The following GSTO2 variants were observed in gnomAD, a reference collection of about 807,000 sequenced individuals.
GSTO2 encodes glutathione S-transferase omega-2.
Under a neutral mutation model 28.4 loss-of-function variants are expected in GSTO2, and 23 were observed. The observed-to-expected ratio is 0.81, with a 90% CI of 0.58 to 1.15. GSTO2 has a LOEUF of 1.15. GSTO2 is among the 50% of genes most tolerant of loss of function. The probability of loss-of-function intolerance (pLI) is 0.00; values close to 1 mark genes in which losing one functional copy is unlikely to be tolerated. For synonymous variants in GSTO2, 109 were observed against 111.0 expected, an observed-to-expected ratio of 0.98 and a Z score of 0.11; for missense variants, 298 against 297.8, an observed-to-expected ratio of 1.00 and a Z score of 0.00.
At chr10:104,283,232 G>A (rs776659951) in intron 5 of GSTO2, among the ~76,000 whole-genome samples, 3 of 152,144 alleles carry the variant, frequency 2.0e-5, no homozygotes, top group Non-Finnish European at 2.9e-5. Context: ...AACCAGCCTC[G>A]GTGTAGGTAG....
intron 1 of GSTO2, among the ~76,000 whole-genome samples, chr10:104,273,107 TC>T (rs1221040571): frequency 2.6e-5 from 4 of 152,220 alleles, no homozygotes; most frequent in Admixed American, 6.5e-5. Context: ...CCAGAAGTCA[TC>T]TTACCTACCA....
chr10:104,274,770 C>A lies in GSTO2; in HGVS notation c.-146C>A. 1.0e-6 allele frequency: 1 copy of A among 968,088 alleles called. No individual in the cohort carries two copies. Among genetic ancestry groups the A allele is most frequent in the Non-Finnish European group, 1.6e-6 (1 of 635,668 alleles). 60.0% of individuals were successfully genotyped at this position (968,088 alleles called of 1,614,324 possible). A position where few individuals can be genotyped will look rare whatever the true frequency, so the allele number is the denominator to read the frequency against. ...CCTGCTCCAGATCGCTTCCCCGTGCCCCGCCAGAGCCCAGTAGTTCAAAAA... is the reference window on the plus strand; with the variant it reads ...CCTGCTCCAGATCGCTTCCCCGTGCACCGCCAGAGCCCAGTAGTTCAAAAA... On this transcript the variant is annotated 5_prime_UTR_variant, in exon 2 of 7. Transcript: ENST00000338595.
intron 5 of GSTO2, among the ~76,000 whole-genome samples, chr10:104,288,941 A>G (rs2012611188): frequency 6.6e-6 from 1 of 152,098 alleles, no homozygotes. Context: ...CCACTGTTTT[A>G]TGTGTAGGAA....
Position 104,301,018 on chromosome 10 carries a change from C to T in GSTO2, c.*1734C>T, listed in dbSNP as rs1401537456. The T allele has an allele frequency of 6.6e-6, 1 of 152,272 alleles. No individual in the cohort carries two copies. The highest frequency in any genetic ancestry group is 2.4e-5 in the African/African-American group (1 of 41,454). 9.4% of individuals were successfully genotyped at this position (152,272 alleles called of 1,614,324 possible). On this transcript the variant is annotated 3_prime_UTR_variant, in exon 7 of 7. Coordinates refer to ENST00000338595, the MANE Select transcript of GSTO2 (RefSeq NM_183239.2). ...AGCGCATGACAGGGGCAGTCTGCCG[C>T]ACCATCTGCTCCGGATGTGGAGCCC...
intron 3 of GSTO2, among the ~76,000 whole-genome samples, chr10:104,276,780 A>T (rs991330829): frequency 6.6e-6 from 1 of 152,186 alleles, no homozygotes; most frequent in African/African-American, 2.4e-5. Context: ...CCTCTGCTGT[A>T]GGTTTAAGAC....
At chr10:104,290,588 T>A (rs1295609713) in intron 5 of GSTO2, among the ~76,000 whole-genome samples, 1 of 152,096 alleles carries the variant, frequency 6.6e-6, no homozygotes, top group Admixed American at 6.5e-5. Context: ...ATCCTGTCAT[T>A]TGCAGCAACA....
At chr10:104,283,081 T>C (rs2012180781) in intron 5 of GSTO2, among the ~76,000 whole-genome samples, 1 of 152,354 alleles carries the variant, frequency 6.6e-6, no homozygotes, top group African/African-American at 2.4e-5. Flanking sequence ...GAGCTACCAA[T>C]GTGCTATTTC....
chr10:104,299,034 A>G, intron 6 of GSTO2, 94 bp from the exon 7 acceptor site: 2 of 1,166,520 alleles, frequency 1.7e-6, no homozygotes, highest in Non-Finnish European at 2.4e-6. Context: ...AAATAAACTC[A>G]TTCTTCATAT....
intron 5 of GSTO2, chr10:104,296,178 C>CT (rs1332461188): frequency 6.6e-6 from 1 of 152,038 alleles, no homozygotes; most frequent in Non-Finnish European, 1.5e-5. Flanking sequence ...AGTTTGTTTT[C>CT]TTTACAGTCC....
chr10:104,275,363 G>A (rs2011582812), intron 3 of GSTO2, 29 bp downstream of exon 3: 3 of 1,606,868 alleles, frequency 1.9e-6, no homozygotes, highest in Non-Finnish European at 2.6e-6. Flanking sequence ...GAGCCCCCGA[G>A]CAAACCCAGC....
intron 5 of GSTO2, among the ~76,000 whole-genome samples, chr10:104,290,791 C>CA (rs967310977): frequency 6.6e-6 from 1 of 150,716 alleles, no homozygotes; most frequent in Non-Finnish European, 1.5e-5. Context: ...TTAATGGGTA[C>CA]AAAAAACAGA....
intron 5 of GSTO2, among the ~76,000 whole-genome samples, chr10:104,287,887 C>CTT (rs397760653): frequency 0.023 from 2,664 of 116,164 alleles, 174 homozygotes; most frequent in African/African-American, 0.079. Context: ...GAAAAAAACA[C>CTT]TTTTTTTTTT....
At chr10:104,283,910 A>G (rs2012239959) in intron 5 of GSTO2, among the ~76,000 whole-genome samples, 1 of 152,172 alleles carries the variant, frequency 6.6e-6, no homozygotes, top group Non-Finnish European at 1.5e-5. Flanking sequence ...GATTTCATGC[A>G]TAATCTTCTG....
chr10:104,275,559 G>T (rs1163700118), intron 3 of GSTO2, among the ~76,000 whole-genome samples: 1 of 152,136 alleles, frequency 6.6e-6, no homozygotes, highest in Non-Finnish European at 1.5e-5. Context: ...TTCTAGCCCA[G>T]CGCAGAGTAA....
intron 5 of GSTO2, chr10:104,296,306 T>C (rs1000522953): frequency 6.6e-6 from 1 of 151,090 alleles, no homozygotes; most frequent in African/African-American, 2.4e-5. Context: ...AAAGCTCAAA[T>C]GAAAAAAAAA....
chr10:104,270,816 C>G lies in GSTO2; in HGVS notation c.-232+1547C>G, dbSNP rs149463145. 4.1e-3 allele frequency among the ~76,000 whole-genome samples: 626 copies of G among 152,246 alleles called. 7 individuals are homozygous for G. The highest frequency in any genetic ancestry group is 0.015 in the African/African-American group (608 of 41,528). On this transcript the variant is annotated intron_variant, in intron 1 of 6. Coordinates refer to ENST00000338595, the MANE Select transcript of GSTO2 (RefSeq NM_183239.2). ...GTGACAAAAAATTTTGAAAAGTTGCCGAATGCAAACCACAGTTCCTCTTCT... is the reference window on the plus strand; with the variant it reads ...GTGACAAAAAATTTTGAAAAGTTGCGGAATGCAAACCACAGTTCCTCTTCT...
intron 1 of GSTO2, among the ~76,000 whole-genome samples, chr10:104,270,787 T>C (rs1184946896): frequency 6.6e-6 from 1 of 152,228 alleles, no homozygotes; most frequent in African/African-American, 2.4e-5. Context: ...TATCAAGAGA[T>C]GGCGTGACAA....
At chr10:104,288,276 G>A (rs956440265) in intron 5 of GSTO2, 1 of 152,176 alleles carries the variant, frequency 6.6e-6, no homozygotes, top group Admixed American at 6.5e-5. Flanking sequence ...GTGTTTAGAT[G>A]GTTTTCAGTC....
At chr10:104,296,613 T>TAAAAAAAA (rs11347549) in intron 5 of GSTO2, 7 of 66,512 alleles carry the variant, frequency 1.1e-4, no homozygotes, top group African/African-American at 2.5e-4. Flanking sequence ...AGACCCTATC[T>TAAAAAAAA]AAAAAAAAAA....
Sources: allele counts gnomAD v4.1 joint callset (sites outside exome capture counted in the v4.1 genomes callset), GRCh38; gene constraint gnomAD v4.1.1; transcripts MANE v1.5; gene names NCBI Gene and HGNC (gene_info 2026-07-23, HGNC 2026-07-21).